Variants in NTM observed in about 807,000 individuals in gnomAD.
The protein encoded by NTM is neurotrimin.
Under a neutral mutation model 42.1 loss-of-function variants are expected in NTM, and 13 were observed. The observed-to-expected ratio is 0.31, with a 90% CI of 0.20 to 0.49. NTM has a LOEUF of 0.49. Among genes scored for constraint, NTM ranks in the 20% least tolerant of loss-of-function variants. The probability of loss-of-function intolerance (pLI) is 0.99; values close to 1 mark genes in which losing one functional copy is unlikely to be tolerated. For synonymous variants in NTM, 187 were observed against 179.2 expected, an observed-to-expected ratio of 1.04 and a Z score of -0.35; for missense variants, 373 against 452.8, an observed-to-expected ratio of 0.82 and a Z score of 1.60.
At chr11:131,513,185 C>G (rs185716769) in intron 1 of NTM, among the ~76,000 whole-genome samples, 148 of 152,320 alleles carry the variant, frequency 9.7e-4, no homozygotes, top group Non-Finnish European at 1.8e-3. Context: ...GGCCTGAACC[C>G]AAAGTGCAAA....
At chr11:131,967,555 G>T (rs1008896632) in intron 2 of NTM, among the ~76,000 whole-genome samples, 31 of 152,256 alleles carry the variant, frequency 2.0e-4, no homozygotes, top group African/African-American at 7.0e-4. Context: ...ATTTTAATGG[G>T]CCAGGGAGGA....
chr11:131,382,480 AG>A (rs1942809514), intron 1 of NTM, among the ~76,000 whole-genome samples: 1 of 152,184 alleles, frequency 6.6e-6, no homozygotes, highest in South Asian at 2.1e-4. Flanking sequence ...ATAGTTATAA[AG>A]TTATCATCAC....
At chr11:132,171,661 A>T (rs2076139450) in intron 3 of NTM, among the ~76,000 whole-genome samples, 1 of 152,214 alleles carries the variant, frequency 6.6e-6, no homozygotes, top group Admixed American at 6.5e-5. Flanking sequence ...ACACACTTGG[A>T]ATGCCTCTAT....
In NTM at chr11:132,315,420, C is replaced by T. The variant is rs1273373681; in HGVS notation, c.934+717C>T. ...CTGGGCCTCTCATGATGGCTCCATCCCTTGATGAACGCAGATTCTCCCTAA... is the reference window on the plus strand; with the variant it reads ...CTGGGCCTCTCATGATGGCTCCATCTCTTGATGAACGCAGATTCTCCCTAA... On this transcript the variant is annotated intron_variant, in intron 7 of 8. Coordinates refer to ENST00000683400, the MANE Select transcript of NTM (RefSeq NM_001352005.2). Among the ~76,000 whole-genome samples the T allele has an allele frequency of 2.6e-5, 4 of 152,160 alleles. No homozygotes were observed. In the South Asian group the frequency reaches 6.2e-4, roughly 24 times the overall value.
chr11:132,078,027 G>A (rs1594416100), intron 2 of NTM, among the ~76,000 whole-genome samples: 1 of 152,252 alleles, frequency 6.6e-6, no homozygotes, highest in African/African-American at 2.4e-5. Flanking sequence ...TGTATAAAAG[G>A]ATGCACTACA....
In NTM at chr11:132,000,489, G is replaced by A. The variant is rs142969812; in HGVS notation, c.167+88841G>A. Among the ~76,000 whole-genome samples the A allele has an allele frequency of 5.3e-5, 8 of 152,264 alleles. No individual in the cohort carries two copies. The East Asian group carries it at 5.8e-4, about 11-fold the overall frequency. ...GATTTCAGCCATGCAAATGAATTAC[G>A]GAGGATATGACTTCAATGTGCAAAG... On this transcript the variant is annotated intron_variant, in intron 2 of 8. Transcript: ENST00000683400.
At chr11:131,615,915 T>C (rs1453621136) in intron 1 of NTM, among the ~76,000 whole-genome samples, 1 of 152,230 alleles carries the variant, frequency 6.6e-6, no homozygotes, top group Non-Finnish European at 1.5e-5. Context: ...TCTGCTTCCC[T>C]TGGGCAGCGG....
intron 1 of NTM, among the ~76,000 whole-genome samples, chr11:131,457,153 G>A (rs1950970954): frequency 6.6e-6 from 1 of 152,178 alleles, no homozygotes; most frequent in Non-Finnish European, 1.5e-5. Flanking sequence ...TCTCCTCCAG[G>A]ATCCAAGTGA....
intron 2 of NTM, among the ~76,000 whole-genome samples, chr11:131,960,300 G>A (rs2062015443): frequency 2.6e-5 from 4 of 152,196 alleles, no homozygotes; most frequent in Admixed American, 1.3e-4. Context: ...ATTGCCTCCA[G>A]TGTCATCTCC....
intron 1 of NTM, among the ~76,000 whole-genome samples, chr11:131,675,584 G>A (rs1220452839): frequency 1.3e-5 from 2 of 152,156 alleles, no homozygotes; most frequent in Admixed American, 6.5e-5. Context: ...CTCTGAGGCC[G>A]AGGGAGGCTG....
At chr11:132,229,302 T>C (rs1252459670) in intron 4 of NTM, among the ~76,000 whole-genome samples, 2 of 152,212 alleles carry the variant, frequency 1.3e-5, no homozygotes, top group Non-Finnish European at 2.9e-5. Context: ...CTTAGACCGC[T>C]TGCTCACAGG....
intron 1 of NTM, among the ~76,000 whole-genome samples, chr11:131,667,455 T>G (rs1236168259): frequency 1.3e-5 from 2 of 152,128 alleles, no homozygotes; most frequent in Non-Finnish European, 2.9e-5. Context: ...CTTCTATGCA[T>G]TTGTTTTGCT....
intron 2 of NTM, among the ~76,000 whole-genome samples, chr11:131,923,074 C>T (rs567258335): frequency 6.6e-5 from 10 of 151,462 alleles, no homozygotes; most frequent in African/African-American, 2.2e-4. Flanking sequence ...AAAAAAAAGG[C>T]TTTACAGATC....
At chr11:132,041,178 T>G (rs940627448) in intron 2 of NTM, among the ~76,000 whole-genome samples, 1 of 151,586 alleles carries the variant, frequency 6.6e-6, no homozygotes, top group Non-Finnish European at 1.5e-5. Flanking sequence ...ATTTTTGCTC[T>G]GCCTTTTTGT....
At chr11:131,671,726 C>A in intron 1 of NTM, 1 of 545,968 alleles carries the variant, frequency 1.8e-6, no homozygotes, top group Non-Finnish European at 2.3e-6. Context: ...CGCCCATCGA[C>A]AGTGGTCGAT....
chr11:131,857,634 G>A (rs1428928988), intron 1 of NTM, among the ~76,000 whole-genome samples: 1 of 152,122 alleles, frequency 6.6e-6, no homozygotes, highest in Non-Finnish European at 1.5e-5. Context: ...CAGGAAAAAC[G>A]AGAAATTTGA....
At position 132,310,240 on chromosome 11, in the gene NTM, T is replaced by C. The variant is rs1436411940; in HGVS notation, c.782+8T>C. On this transcript the variant is annotated splice_region_variant and intron_variant, in intron 6 of 8. Transcript: ENST00000683400. ...GTACAAGGATGACAAAAGGTAAAGC[T>C]TCCTTCTTTCCTATCCCACCCCTAC... 1 of 1,587,986 alleles carries C rather than the reference T, an allele frequency of 6.3e-7. No homozygotes were observed. Among genetic ancestry groups the C allele is most frequent in the Non-Finnish European group, 8.5e-7 (1 of 1,170,862 alleles).
intron 2 of NTM, among the ~76,000 whole-genome samples, chr11:131,916,163 C>T (rs963892044): frequency 8.5e-5 from 13 of 152,212 alleles, no homozygotes; most frequent in Non-Finnish European, 5.9e-5. Flanking sequence ...TGTGGGTTGG[C>T]AGGACTGCAC....
intron 2 of NTM, chr11:132,140,923 C>T (rs965484020): frequency 6.6e-6 from 1 of 152,128 alleles, no homozygotes; most frequent in Non-Finnish European, 1.5e-5. Context: ...CCAGGTGCTG[C>T]GAAGGGCGAA....
Sources: allele counts gnomAD v4.1 joint callset (sites outside exome capture counted in the v4.1 genomes callset), GRCh38; gene constraint gnomAD v4.1.1; transcripts MANE v1.5; gene names NCBI Gene and HGNC (gene_info 2026-07-23, HGNC 2026-07-21).